CTDP1: variants seen among roughly 807,000 people sequenced by gnomAD.
The protein encoded by CTDP1 is CTD phosphatase 1.
CTDP1 carries 47 observed loss-of-function variants against 91.8 expected under a neutral mutation model. The observed-to-expected ratio is 0.51, with a 90% CI of 0.41 to 0.65. The LOEUF (loss-of-function observed/expected upper bound fraction) is 0.65. Among genes scored for constraint, CTDP1 ranks in the 30% least tolerant of loss-of-function variants. The pLI, the probability that CTDP1 is intolerant of heterozygous loss-of-function variation, is 0.00. For missense variants in CTDP1, 1,272 were observed against 1,373.7 expected, an observed-to-expected ratio of 0.93 and a Z score of 1.17; for synonymous variants, 656 against 598.5, an observed-to-expected ratio of 1.10 and a Z score of -1.40.
At chr18:79,709,614 A>G (rs1443031547) in intron 5 of CTDP1, among the ~76,000 whole-genome samples, 1 of 152,252 alleles carries the variant, frequency 6.6e-6, no homozygotes, top group Non-Finnish European at 1.5e-5. Context: ...CAAGTGTCAA[A>G]TGTAGCCTAA....
intron 5 of CTDP1, 112 bp downstream of exon 5, chr18:79,705,029 G>A (rs2122560698): frequency 2.6e-6 from 4 of 1,518,620 alleles, no homozygotes; most frequent in Non-Finnish European, 3.6e-6. Context: ...CAACTCAGTT[G>A]TAGTCTTAGG....
At chr18:79,689,429 G>A (rs1377594575) in intron 1 of CTDP1, among the ~76,000 whole-genome samples, 1 of 152,182 alleles carries the variant, frequency 6.6e-6, no homozygotes, top group Non-Finnish European at 1.5e-5. Flanking sequence ...TAGGATGATA[G>A]TCCAGTGGTG....
chr18:79,710,022 C>T (rs1467725959), intron 5 of CTDP1, among the ~76,000 whole-genome samples: 1 of 152,186 alleles, frequency 6.6e-6, no homozygotes, highest in Non-Finnish European at 1.5e-5. Flanking sequence ...TGATGACTTA[C>T]CTGTTTTACT....
At chr18:79,695,563 C>T (rs1359871069) in intron 2 of CTDP1, among the ~76,000 whole-genome samples, 1 of 152,202 alleles carries the variant, frequency 6.6e-6, no homozygotes, top group Non-Finnish European at 1.5e-5. Context: ...GACCTGTTTT[C>T]TCCTGACTGA....
chr18:79,710,346 G>C lies in CTDP1; in HGVS notation c.773G>C (p.Gly258Ala), dbSNP rs774773877. The change falls in exon 6 of 13, where the codon GGC (glycine) becomes GCC (alanine). Residue 258 changes from glycine (G) to alanine (A), a missense_variant and splice_region_variant. Gly to Ala is a moderately conservative substitution (Grantham distance 60). Around this residue, in one of 3 missense-constraint regions of CTDP1, gnomAD observed 177 missense variants for 283.0 expected, o/e 0.63. Transcript: ENST00000613122. ...GSRLYAHTIA[G>A]FLDPEKKLFS... ...TCTTTGTCCTGTTTTCTTTTCCAAGGCTTTTTAGACCCCGAGAAGAAGCTT... is the reference window on the plus strand; with the variant it reads ...TCTTTGTCCTGTTTTCTTTTCCAAGCCTTTTTAGACCCCGAGAAGAAGCTT... The C allele has an allele frequency of 2.5e-6, 4 of 1,612,812 alleles. No homozygotes were observed. The highest frequency in any genetic ancestry group is 4.5e-5 in the East Asian group (2 of 44,858).
At chr18:79,751,683 T>G (rs139599956) in intron 12 of CTDP1, among the ~76,000 whole-genome samples, 33 of 152,352 alleles carry the variant, frequency 2.2e-4, no homozygotes, top group African/African-American at 7.7e-4. Context: ...GCATGTGTGT[T>G]ACATGCGTGC....
chr18:79,718,014 C>T lies in CTDP1; in HGVS notation c.2415C>T (p.Phe805=), dbSNP rs1004990882. The T allele has an allele frequency of 1.2e-6, 2 of 1,612,970 alleles. No homozygotes were observed. Among genetic ancestry groups the T allele is most frequent in the Non-Finnish European group, 1.7e-6 (2 of 1,179,880 alleles). ...CCATCCGCCAGGAGCCCTCTTCCTTCAGGTACGTGGCGGCCCAGCCACTGT... is the reference window on the plus strand; with the variant it reads ...CCATCCGCCAGGAGCCCTCTTCCTTTAGGTACGTGGCGGCCCAGCCACTGT... ...SLPIRQEPSS[F]RAVPPPQPQM... is the part of the protein sequence containing the mutation. The change falls in exon 10 of 13, where the codon TTC becomes TTT. Residue 805 remains phenylalanine, a splice_region_variant and synonymous_variant. Coordinates refer to ENST00000613122, the MANE Select transcript of CTDP1 (RefSeq NM_004715.5).
At chr18:79,703,222 G>C (rs978929980) in intron 4 of CTDP1, 1 of 152,226 alleles carries the variant, frequency 6.6e-6, no homozygotes, top group Non-Finnish European at 1.5e-5. Context: ...AACTGGGAAA[G>C]TTGTTACTAG....
intron 12 of CTDP1, among the ~76,000 whole-genome samples, chr18:79,740,502 G>C (rs984752194): frequency 3.2e-4 from 48 of 152,206 alleles, no homozygotes; most frequent in Non-Finnish European, 3.8e-4. Flanking sequence ...TTGTAACGAA[G>C]TAAATGTGGT....
intron 1 of CTDP1, among the ~76,000 whole-genome samples, chr18:79,684,618 T>C (rs2085446594): frequency 6.6e-6 from 1 of 150,930 alleles, no homozygotes; most frequent in Non-Finnish European, 1.5e-5. Context: ...CCTGCGTTGT[T>C]GTCACCAGGC....
intron 4 of CTDP1, among the ~76,000 whole-genome samples, chr18:79,698,832 C>T (rs1460983433): frequency 6.6e-6 from 1 of 152,192 alleles, no homozygotes; most frequent in Non-Finnish European, 1.5e-5. Context: ...GGAGGATGCA[C>T]CACGGAGCCG....
rs777638958 is a variant in CTDP1, at chr18:79,715,002, C to T, written c.1542C>T (p.Pro514=). 83 of 1,586,616 alleles carry T rather than the reference C, an allele frequency of 5.2e-5. 1 individual carries two copies. The South Asian group carries it at 5.5e-4, about 10-fold the overall frequency. Residue 514 remains proline (P), a synonymous_variant, in exon 8 of 13, where the codon CCC becomes CCT. Coordinates refer to ENST00000613122, the MANE Select transcript of CTDP1 (RefSeq NM_004715.5). ...GGCGGCCTGCAGCACCGAGTCTCCC[C>T]GGAGAGGCCGAGCCTGGCGCGCATG... is the stretch of plus-strand genomic sequence containing the variant. ...EPGRPAAPSL[P]GEAEPGAHAP...
chr18:79,717,282 TGGAGA>T, intron 8 of CTDP1, among the ~76,000 whole-genome samples: 1 of 140,524 alleles, frequency 7.1e-6, no homozygotes, highest in Non-Finnish European at 1.5e-5. Context: ...CCCTGAGTCC[TGGAGA>T]GGTGCAGCCG....
At chr18:79,729,192 A>G (rs1173135464) in intron 11 of CTDP1, 123 bp downstream of exon 11, 4 of 1,264,448 alleles carry the variant, frequency 3.2e-6, no homozygotes, top group Non-Finnish European at 4.5e-6. Context: ...GCACTTGTGT[A>G]GTTGTGTCTG....
intron 12 of CTDP1, among the ~76,000 whole-genome samples, chr18:79,739,787 G>T (rs1304456529): frequency 6.6e-6 from 1 of 150,824 alleles, no homozygotes; most frequent in African/African-American, 2.5e-5. Flanking sequence ...GGACGGGTGG[G>T]ACTCTCATAC....
intron 4 of CTDP1, among the ~76,000 whole-genome samples, chr18:79,702,038 A>T (rs769787545): frequency 3.9e-5 from 6 of 152,268 alleles, no homozygotes; most frequent in Non-Finnish European, 7.3e-5. Context: ...AGGATTTGGA[A>T]GATTCCATCA....
chr18:79,706,079 G>A (rs548302287), intron 5 of CTDP1, among the ~76,000 whole-genome samples: 2 of 152,306 alleles, frequency 1.3e-5, no homozygotes, highest in Admixed American at 6.5e-5. Flanking sequence ...GAGGGGCGTG[G>A]GAGGTGGTGA....
At chr18:79,679,407 A>G (rs1308179750), upstream of CTDP1, 3 of 455,760 alleles carry the variant, frequency 6.6e-6, no homozygotes, top group South Asian at 3.1e-5. Flanking sequence ...GCGCGATGGG[A>G]GTGGAGGAGA....
At chr18:79,725,303 AC>A (rs2086423552) in intron 10 of CTDP1, among the ~76,000 whole-genome samples, 1 of 151,958 alleles carries the variant, frequency 6.6e-6, no homozygotes, top group African/African-American at 2.4e-5. Flanking sequence ...GAAGCGCCCC[AC>A]CCTCCAGCAT....
Sources: allele counts gnomAD v4.1 joint callset (sites outside exome capture counted in the v4.1 genomes callset), GRCh38; gene constraint gnomAD v4.1.1; regional missense constraint gnomAD v4.1.1; transcripts MANE v1.5; gene names NCBI Gene and HGNC (gene_info 2026-07-23, HGNC 2026-07-21).